Variants in KIF13B observed in about 807,000 individuals in gnomAD.
KIF13B encodes kinesin-like protein KIF13B.
In KIF13B, 127 loss-of-function variants were observed where a neutral mutation model predicts 222.0. That is an observed-to-expected ratio of 0.57 (90% CI 0.50 to 0.66). The LOEUF (loss-of-function observed/expected upper bound fraction) is 0.66, where lower values mean the gene tolerates loss of function less well. KIF13B is among the 30% of genes least tolerant of loss of function. The pLI, the probability that KIF13B is intolerant of heterozygous loss-of-function variation, is 0.00. For missense variants in KIF13B, 2,173 were observed against 2,379.0 expected (o/e 0.91, Z 1.80); for synonymous variants, 976 against 919.0 (o/e 1.06, Z -1.12).
intron 2 of KIF13B, among the ~76,000 whole-genome samples, chr8:29,197,882 A>G (rs1302630463): frequency 1.3e-5 from 2 of 152,234 alleles, no homozygotes; most frequent in Non-Finnish European, 2.9e-5. Context: ...AGAATAAAGG[A>G]AAGTACTTTT....
rs1050592261 is a variant in KIF13B, at chr8:29,069,860, C to T, written c.*644G>A. 6.6e-6 allele frequency: 1 copy of T among 152,354 alleles called. No individual in the cohort carries two copies. Among genetic ancestry groups the T allele is most frequent in the African/African-American group, 2.4e-5 (1 of 41,450 alleles). 9.4% of individuals were successfully genotyped at this position (152,354 alleles called of 1,614,324 possible). A position where few individuals can be genotyped will look rare whatever the true frequency, so the allele number is the denominator to read the frequency against. The stretch of plus-strand genomic sequence containing the variant: ...CATCCACAGAGAAACCGCTAAGAAA[C>T]CCTGGCAGAGGAGGGATGGGGGGGC... On this transcript the variant is annotated 3_prime_UTR_variant, in exon 40 of 40. Coordinates refer to ENST00000524189, the MANE Select transcript of KIF13B (RefSeq NM_015254.4).
chr8:29,128,137 T>G (rs1037804305), intron 24 of KIF13B, among the ~76,000 whole-genome samples: 1 of 149,308 alleles, frequency 6.7e-6, no homozygotes, highest in Non-Finnish European at 1.5e-5. Flanking sequence ...ATATCATTAA[T>G]ATAAATATAA....
intron 37 of KIF13B, among the ~76,000 whole-genome samples, chr8:29,078,698 G>A (rs144715905): frequency 2.0e-4 from 31 of 152,332 alleles, no homozygotes; most frequent in South Asian, 6.2e-4. Context: ...AAGTGAATAT[G>A]AGTATAATTA....
chr8:29,132,308 C>T lies in KIF13B; in HGVS notation c.2942G>A (p.Arg981Lys). 6.7e-7 allele frequency: 1 copy of T among 1,491,762 alleles called. No individual in the cohort carries two copies. Among genetic ancestry groups the T allele is most frequent in the Non-Finnish European group, 8.9e-7 (1 of 1,119,990 alleles). 92.4% of individuals were successfully genotyped at this position (1,491,762 alleles called of 1,614,324 possible). Residue 981 changes from arginine (R) to lysine (K), a missense_variant and splice_region_variant, in exon 23 of 40, where the codon AGA becomes AAA. This residue lies in a region of KIF13B where 1,480 missense variants were observed against 1,722.8 expected (regional missense o/e 0.86). Coordinates refer to ENST00000524189, the MANE Select transcript of KIF13B (RefSeq NM_015254.4). ...IQAKTRSLRD[R>K]WSEVTRKLEF... is the part of the protein sequence containing the mutation. ...AATCAGATGAACATCTAATATTCAC[C>T]TGTCCCGAAGACTACGTGTCTTTGC...
intron 26 of KIF13B, among the ~76,000 whole-genome samples, chr8:29,125,944 T>G (rs926046886): frequency 1.3e-5 from 2 of 151,820 alleles, no homozygotes; most frequent in Non-Finnish European, 2.9e-5. Flanking sequence ...CCGTCTCTAG[T>G]AAAGATACAA....
chr8:29,136,673 T>C (rs1255328984), intron 21 of KIF13B, among the ~76,000 whole-genome samples: 1 of 151,990 alleles, frequency 6.6e-6, no homozygotes, highest in Non-Finnish European at 1.5e-5. Context: ...ACTTAAATTC[T>C]TAGTTTTCTT....
At chr8:29,155,973 T>A (rs1462718895) in intron 13 of KIF13B, 117 bp from the exon 14 acceptor site, 2 of 725,180 alleles carry the variant, frequency 2.8e-6, no homozygotes, top group Non-Finnish European at 4.5e-6. Flanking sequence ...TTTTTTTATT[T>A]TTATTTTATT....
intron 36 of KIF13B, among the ~76,000 whole-genome samples, chr8:29,097,785 C>G (rs1808601667): frequency 6.6e-6 from 1 of 151,718 alleles, no homozygotes; most frequent in African/African-American, 2.4e-5. Context: ...TATGATAAAC[C>G]TGTCAGAAAA....
intron 37 of KIF13B, among the ~76,000 whole-genome samples, chr8:29,077,761 G>A (rs941196230): frequency 1.3e-5 from 2 of 152,094 alleles, no homozygotes; most frequent in African/African-American, 2.4e-5. Context: ...ATGGATTCAG[G>A]GACTCGACTG....
intron 2 of KIF13B, among the ~76,000 whole-genome samples, chr8:29,226,382 C>T (rs1043611817): frequency 6.6e-6 from 1 of 152,180 alleles, no homozygotes; most frequent in Non-Finnish European, 1.5e-5. Flanking sequence ...TAACAGTCAG[C>T]TGGTTCCTGG....
chr8:29,115,910 G>A (rs933719286), intron 31 of KIF13B, among the ~76,000 whole-genome samples: 10 of 151,930 alleles, frequency 6.6e-5, no homozygotes, highest in African/African-American at 1.9e-4. Flanking sequence ...TCTCTGAAGC[G>A]CCCCCACCAC....
intron 24 of KIF13B, among the ~76,000 whole-genome samples, chr8:29,130,161 T>A (rs1326755943): frequency 6.6e-6 from 1 of 152,254 alleles, no homozygotes; most frequent in Non-Finnish European, 1.5e-5. Context: ...AGTTTTCCTT[T>A]AAAGTTTATC....
At chr8:29,235,795 C>T (rs899496582) in intron 2 of KIF13B, among the ~76,000 whole-genome samples, 12 of 152,180 alleles carry the variant, frequency 7.9e-5, no homozygotes, top group Non-Finnish European at 1.5e-4. Flanking sequence ...GCTTGAAGAT[C>T]GGTCTGGTGA....
At chr8:29,111,555 A>T (rs1400419526) in intron 32 of KIF13B, among the ~76,000 whole-genome samples, 1 of 152,254 alleles carries the variant, frequency 6.6e-6, no homozygotes, top group African/African-American at 2.4e-5. Flanking sequence ...TGTTTAGCTA[A>T]CTAACAGCAA....
rs1031287048 is a variant in KIF13B, at chr8:29,072,045, G to A, written c.4793C>T (p.Ala1598Val). The A allele has an allele frequency of 6.9e-6, 9 of 1,302,152 alleles. No homozygotes were observed. In the African/African-American group the frequency reaches 1.4e-4, roughly 20 times the overall value. The allele number at this position is 1,302,152 out of a possible 1,614,324, so 80.7% of individuals were successfully genotyped here. A position where few individuals can be genotyped will look rare whatever the true frequency, so the allele number is the denominator to read the frequency against. The change falls in exon 39 of 40, where the codon GCC (alanine) becomes GTC (valine). Residue 1598 changes from alanine (A) to valine (V), a missense_variant. Ala to Val is a moderately conservative substitution (Grantham distance 64). This residue lies in a region of KIF13B where 693 missense variants were observed against 656.2 expected (regional missense o/e 1.06). Coordinates refer to ENST00000524189, the MANE Select transcript of KIF13B (RefSeq NM_015254.4). Reference protein sequence around the residue: ...AAAPPGSMPTAPEAEPEAPIS... With the variant: ...AAAPPGSMPTVPEAEPEAPIS... ...GGGCGCCTCGGGCTCGGCCTCAGGG[G>A]CGGTGGGCATGGACCCCGGCGGGGC...
At chr8:29,140,956 A>G (rs1810792122) in intron 19 of KIF13B, among the ~76,000 whole-genome samples, 5 of 152,206 alleles carry the variant, frequency 3.3e-5, no homozygotes, top group Admixed American at 3.3e-4. Flanking sequence ...AAAGAAGTAG[A>G]GTGTGCTAAA....
At chr8:29,134,737 T>C (rs1263652804) in intron 21 of KIF13B, among the ~76,000 whole-genome samples, 1 of 152,228 alleles carries the variant, frequency 6.6e-6, no homozygotes, top group Non-Finnish European at 1.5e-5. Flanking sequence ...CACAATACTA[T>C]ACAACATTGT....
At chr8:29,179,012 G>A (rs771234710) in intron 8 of KIF13B, among the ~76,000 whole-genome samples, 10 of 152,156 alleles carry the variant, frequency 6.6e-5, no homozygotes, top group Admixed American at 3.9e-4. Context: ...CACTCAAAAA[G>A]TTATTCCACA....
At chr8:29,261,857 C>CTT (rs958492952) in intron 1 of KIF13B, among the ~76,000 whole-genome samples, 2 of 152,008 alleles carry the variant, frequency 1.3e-5, no homozygotes, top group Non-Finnish European at 2.9e-5. Context: ...ACCAACAAAG[C>CTT]TTATGTCAAC....
Sources: allele counts gnomAD v4.1 joint callset (sites outside exome capture counted in the v4.1 genomes callset), GRCh38; gene constraint gnomAD v4.1.1; regional missense constraint gnomAD v4.1.1; transcripts MANE v1.5; gene names NCBI Gene and HGNC (gene_info 2026-07-23, HGNC 2026-07-21).